Variants in CLEC16A observed in about 807,000 individuals in gnomAD.
CLEC16A encodes the protein protein CLEC16A.
Under a neutral mutation model 109.5 loss-of-function variants are expected in CLEC16A, and 51 were observed. The observed-to-expected ratio is 0.47, with a 90% CI of 0.37 to 0.59. The LOEUF (loss-of-function observed/expected upper bound fraction) is 0.59, where lower values mean the gene tolerates loss of function less well. CLEC16A is among the 20% of genes least tolerant of loss of function. The pLI, the probability that CLEC16A is intolerant of heterozygous loss-of-function variation, is 0.00. For synonymous variants in CLEC16A, 673 were observed against 564.2 expected (o/e 1.19, Z -2.73); for missense variants, 1,339 against 1,394.0 (o/e 0.96, Z 0.63).
intron 10 of CLEC16A, among the ~76,000 whole-genome samples, chr16:10,985,951 C>T (rs995412895): frequency 7.3e-5 from 11 of 149,734 alleles, no homozygotes; most frequent in African/African-American, 2.7e-4. Flanking sequence ...ACTGATCTGC[C>T]TGCCTTGGCC....
intron 20 of CLEC16A, among the ~76,000 whole-genome samples, chr16:11,121,289 G>A (rs546174535): frequency 1.6e-4 from 24 of 152,132 alleles, no homozygotes; most frequent in Non-Finnish European, 3.2e-4. Flanking sequence ...ATGCCGTGTC[G>A]GCTATTTCCA....
chr16:11,122,905 T>C (rs1055764538), intron 20 of CLEC16A, among the ~76,000 whole-genome samples: 5 of 137,932 alleles, frequency 3.6e-5, no homozygotes, highest in African/African-American at 1.4e-4. Flanking sequence ...TCTTTTTTTT[T>C]TTTTTTTTTT....
At chr16:11,051,377 TA>T in intron 17 of CLEC16A, 135 bp from the exon 18 acceptor site, 1 of 939,588 alleles carries the variant, frequency 1.1e-6, no homozygotes, top group Non-Finnish European at 1.6e-6. Flanking sequence ...TACTTCAATC[TA>T]AATCCAGGAT....
intron 2 of CLEC16A, among the ~76,000 whole-genome samples, chr16:10,959,138 A>G (rs1269202136): frequency 9.2e-5 from 14 of 151,378 alleles, no homozygotes; most frequent in Admixed American, 9.2e-4. Flanking sequence ...CTTATTAGAT[A>G]TCCGAATAAG....
At chr16:11,089,293 G>A (rs187295009) in intron 19 of CLEC16A, among the ~76,000 whole-genome samples, 34 of 152,260 alleles carry the variant, frequency 2.2e-4, no homozygotes, top group African/African-American at 6.7e-4. Context: ...GTTTTCCTGC[G>A]TCGGGACATC....
chr16:11,123,832 C>T lies in CLEC16A; in HGVS notation c.2359C>T (p.Pro787Ser), dbSNP rs1023839367. ...PASSPHSKPF[P>S]ILQATFIFSD... ...GTCCAGCCCCCATTCCAAGCCCTTC[C>T]CCATCCTCCAGGCCACCTTCATCTT... The change falls in exon 21 of 24, where the codon CCC (proline) becomes TCC (serine). Residue 787 changes from proline (P) to serine (S), a missense_variant. This residue lies in a region of CLEC16A where 1,061 missense variants were observed against 1,006.8 expected (regional missense o/e 1.05). Transcript: ENST00000409790. 3.7e-6 allele frequency: 6 copies of T among 1,614,070 alleles called. No individual in the cohort carries two copies. The Middle Eastern group carries it at 6.6e-4, about 178-fold the overall frequency.
chr16:11,153,990 C>G (rs80207443), intron 22 of CLEC16A, among the ~76,000 whole-genome samples: 1 of 152,278 alleles, frequency 6.6e-6, no homozygotes, highest in South Asian at 2.1e-4. Flanking sequence ...AAGTGCCAAC[C>G]TTATTTCTAA....
At chr16:11,131,860 C>T (rs2053228527) in intron 22 of CLEC16A, among the ~76,000 whole-genome samples, 1 of 152,184 alleles carries the variant, frequency 6.6e-6, no homozygotes, top group Non-Finnish European at 1.5e-5. Flanking sequence ...CAATCCAGCC[C>T]TTCAGCCGCA....
intron 22 of CLEC16A, among the ~76,000 whole-genome samples, chr16:11,127,817 C>CG: frequency 1.3e-5 from 2 of 152,276 alleles, no homozygotes; most frequent in Non-Finnish European, 2.9e-5. Flanking sequence ...CTGCAGTGAG[C>CG]TATGATTGTA....
chr16:11,166,238 C>G, intron 22 of CLEC16A, 150 bp from the exon 23 acceptor site: 1 of 765,130 alleles, frequency 1.3e-6, no homozygotes, highest in Non-Finnish European at 2.0e-6. Context: ...GTGGCTGGGT[C>G]AGGGCCACGA....
chr16:10,977,439 C>T (rs199905598), intron 8 of CLEC16A, 40 bp downstream of exon 8: 7 of 1,579,638 alleles, frequency 4.4e-6, no homozygotes, highest in Non-Finnish European at 6.0e-6. Flanking sequence ...TGAAGGCCAT[C>T]AGAAGTGGGG....
intron 22 of CLEC16A, among the ~76,000 whole-genome samples, chr16:11,134,852 A>T (rs2053466264): frequency 6.6e-6 from 1 of 152,156 alleles, no homozygotes; most frequent in South Asian, 2.1e-4. Context: ...GCCTCAAGGG[A>T]TGCCCCTGGT....
At chr16:11,129,789 G>T (rs1165725635) in intron 22 of CLEC16A, among the ~76,000 whole-genome samples, 7 of 145,032 alleles carry the variant, frequency 4.8e-5, no homozygotes. Flanking sequence ...TTGAGATGGA[G>T]TCTCTCTCTG....
chr16:11,164,650 G>A (rs2054841106), intron 22 of CLEC16A, among the ~76,000 whole-genome samples: 1 of 152,248 alleles, frequency 6.6e-6, no homozygotes, highest in Admixed American at 6.5e-5. Context: ...AGCCTTTTAG[G>A]CTTTGCAGGC....
At chr16:10,964,752 A>G (rs1415438429) in intron 3 of CLEC16A, among the ~76,000 whole-genome samples, 2 of 152,174 alleles carry the variant, frequency 1.3e-5, no homozygotes, top group East Asian at 1.9e-4. Flanking sequence ...AAAATTGTAT[A>G]TATTTAATGT....
chr16:10,967,840 C>T (rs1289920846), intron 3 of CLEC16A, among the ~76,000 whole-genome samples: 2 of 152,218 alleles, frequency 1.3e-5, no homozygotes, highest in African/African-American at 2.4e-5. Context: ...TCCAAGTCCA[C>T]GATTAAACCC....
intron 19 of CLEC16A, among the ~76,000 whole-genome samples, chr16:11,110,461 C>T (rs1022697971): frequency 2.6e-5 from 4 of 152,184 alleles, no homozygotes; most frequent in African/African-American, 9.7e-5. Flanking sequence ...TTGCATATTC[C>T]ATGACCTTAC....
chr16:11,092,140 G>T (rs2050338113), intron 19 of CLEC16A, among the ~76,000 whole-genome samples: 1 of 152,114 alleles, frequency 6.6e-6, no homozygotes. Flanking sequence ...GAGGTCAGGA[G>T]TTCGAGACCA....
chr16:10,991,004 G>C (rs974752752), intron 10 of CLEC16A, among the ~76,000 whole-genome samples: 2 of 152,124 alleles, frequency 1.3e-5, no homozygotes, highest in Admixed American at 6.5e-5. Context: ...GGTATCTGCC[G>C]TATGCCAGGC....
Sources: gnomAD v4.1 joint callset for allele counts (sites outside exome capture counted in the v4.1 genomes callset) on GRCh38, gnomAD v4.1.1 for gene constraint, gnomAD v4.1.1 regional missense constraint, MANE v1.5 for transcripts, NCBI Gene and HGNC (gene_info 2026-07-23, HGNC 2026-07-21) for gene names.